The following SPAG16 variants were observed in gnomAD, a reference collection of about 807,000 sequenced individuals.
SPAG16 encodes the protein sperm associated antigen 16.
Under a neutral mutation model 80.4 loss-of-function variants are expected in SPAG16, and 86 were observed. That is an observed-to-expected ratio of 1.07 (90% CI 0.90 to 1.28). The LOEUF is 1.28. Ranked by LOEUF, SPAG16 falls within the 50% of genes most tolerant of loss-of-function variation. The probability of loss-of-function intolerance (pLI) is 0.00; values close to 1 mark genes in which losing one functional copy is unlikely to be tolerated. For missense variants in SPAG16, 870 were observed against 765.3 expected, an observed-to-expected ratio of 1.14 and a Z score of -1.61; for synonymous variants, 294 against 265.9, an observed-to-expected ratio of 1.11 and a Z score of -1.03.
chr2:213,945,529 C>T (rs914421062), intron 12 of SPAG16, among the ~76,000 whole-genome samples: 3 of 151,848 alleles, frequency 2.0e-5, no homozygotes, highest in East Asian at 3.9e-4. Context: ...AGGCCAGTCT[C>T]GACTTTTCAT....
chr2:213,935,494 G>A lies in SPAG16; in HGVS notation c.1400+5349G>A, dbSNP rs546050329. ...TTTCTTCCCATCTTTATTGTCTATC[G>A]CAATGCTGTTGGAGTCCATGAAATC... is the stretch of plus-strand genomic sequence containing the variant. On this transcript the variant is annotated intron_variant, in intron 12 of 15. Coordinates refer to ENST00000331683, the MANE Select transcript of SPAG16 (RefSeq NM_024532.5). Among the ~76,000 whole-genome samples, 71 of 151,840 alleles carry A rather than the reference G, an allele frequency of 4.7e-4. No homozygotes were observed. The Middle Eastern group carries it at 0.01, about 22-fold the overall frequency.
At chr2:213,308,085 GA>G (rs1202624169) in intron 3 of SPAG16, among the ~76,000 whole-genome samples, 4 of 152,152 alleles carry the variant, frequency 2.6e-5, no homozygotes, top group Non-Finnish European at 5.9e-5. Flanking sequence ...AAACAAATTA[GA>G]GACTTCTTGC....
At chr2:214,367,514 AG>A (rs1469493765) in intron 15 of SPAG16, among the ~76,000 whole-genome samples, 1 of 152,204 alleles carries the variant, frequency 6.6e-6, no homozygotes, top group Non-Finnish European at 1.5e-5. Context: ...TATGATTTAT[AG>A]TAAACACCTA....
chr2:214,336,385 A>T (rs1186116173), intron 15 of SPAG16, among the ~76,000 whole-genome samples: 1 of 152,210 alleles, frequency 6.6e-6, no homozygotes, highest in East Asian at 1.9e-4. Flanking sequence ...TCTGGAGTTA[A>T]AATTAAATAG....
In SPAG16 at chr2:213,468,603, C is replaced by A. The variant is rs1182672906; in HGVS notation, c.943-21360C>A. Among the ~76,000 whole-genome samples the A allele has an allele frequency of 1.2e-4, 16 of 135,776 alleles. No individual in the cohort carries two copies. The East Asian group carries it at 3.1e-3, about 27-fold the overall frequency. The allele number at this position is 135,776 out of a possible 152,430, so 89.1% of individuals were successfully genotyped here. On this transcript the variant is annotated intron_variant, in intron 9 of 15. Coordinates refer to ENST00000331683, the MANE Select transcript of SPAG16 (RefSeq NM_024532.5). ...TATTTATATATAGAGATATATATAT[C>A]TATGTATTTATATATAGAGATATAT...
chr2:214,326,983 T>C (rs77729825), intron 15 of SPAG16, among the ~76,000 whole-genome samples: 9,146 of 149,024 alleles, frequency 0.061, 959 homozygotes, highest in African/African-American at 0.21. Context: ...ACTAGTATTC[T>C]GTATACTAGT....
At chr2:214,096,780 A>G (rs181291239) in intron 13 of SPAG16, among the ~76,000 whole-genome samples, 23 of 152,232 alleles carry the variant, frequency 1.5e-4, no homozygotes, top group Admixed American at 1.5e-3. Flanking sequence ...TCTTAATTAC[A>G]CAAGGATTCA....
intron 10 of SPAG16, among the ~76,000 whole-genome samples, chr2:213,559,411 A>G (rs2059532094): frequency 6.6e-6 from 1 of 152,178 alleles, no homozygotes; most frequent in South Asian, 2.1e-4. Flanking sequence ...TTTAAGGAGA[A>G]ACAAGAGGAA....
At chr2:213,737,966 A>G (rs1375687206) in intron 10 of SPAG16, among the ~76,000 whole-genome samples, 2 of 148,684 alleles carry the variant, frequency 1.3e-5, no homozygotes, top group Non-Finnish European at 3.0e-5. Context: ...AGCCATAATT[A>G]TCACTCATTC....
chr2:213,625,601 T>C (rs2061933398), intron 10 of SPAG16, among the ~76,000 whole-genome samples: 1 of 152,206 alleles, frequency 6.6e-6, no homozygotes, highest in South Asian at 2.1e-4. Context: ...ATTTAAGAAA[T>C]CCTACCTTTC....
intron 15 of SPAG16, 26 bp from the exon 16 acceptor site, chr2:214,410,114 C>G (rs1303772200): frequency 6.2e-6 from 10 of 1,611,498 alleles, no homozygotes; most frequent in Non-Finnish European, 8.5e-6. Flanking sequence ...TTCATTCTCT[C>G]TCTCTCTCCT....
intron 14 of SPAG16, among the ~76,000 whole-genome samples, chr2:214,123,059 T>TA (rs1278390870): frequency 6.6e-6 from 1 of 151,838 alleles, no homozygotes; most frequent in Non-Finnish European, 1.5e-5. Flanking sequence ...TAATTTCTAG[T>TA]AAAAAGTGAA....
chr2:214,227,921 G>A (rs1369961181), intron 15 of SPAG16, among the ~76,000 whole-genome samples: 1 of 151,820 alleles, frequency 6.6e-6, no homozygotes, highest in Non-Finnish European at 1.5e-5. Context: ...CTTTTGATGA[G>A]ATTCTGTACT....
At chr2:213,489,871 T>G (rs759959514) in intron 9 of SPAG16, 92 bp from the exon 10 acceptor site, 3 of 1,011,358 alleles carry the variant, frequency 3.0e-6, no homozygotes, top group Non-Finnish European at 4.1e-6. Context: ...AAATATAATG[T>G]TTATGTTGTA....
At chr2:213,339,569 A>T (rs921072576) in intron 5 of SPAG16, among the ~76,000 whole-genome samples, 6 of 152,028 alleles carry the variant, frequency 3.9e-5, no homozygotes, top group African/African-American at 7.2e-5. Flanking sequence ...AAGTTGAAAA[A>T]TTTTTCTGTA....
intron 15 of SPAG16, among the ~76,000 whole-genome samples, chr2:214,349,947 A>G (rs948201231): frequency 4.6e-5 from 7 of 152,248 alleles, no homozygotes; most frequent in Admixed American, 3.9e-4. Context: ...TAGTCTCAGA[A>G]CCATTCCTTT....
chr2:213,689,529 T>C (rs1306558738), intron 10 of SPAG16, among the ~76,000 whole-genome samples: 2 of 33,330 alleles, frequency 6.0e-5, no homozygotes, highest in Non-Finnish European at 1.2e-4. Context: ...GTGCTGGGGC[T>C]TTTTTTTTTT....
intron 9 of SPAG16, among the ~76,000 whole-genome samples, chr2:213,423,467 G>A (rs2069722599): frequency 6.6e-6 from 1 of 152,152 alleles, no homozygotes; most frequent in Non-Finnish European, 1.5e-5. Flanking sequence ...CAGATGCTAG[G>A]TTGGTCACAT....
chr2:214,045,834 A>G (rs999797194), intron 13 of SPAG16, among the ~76,000 whole-genome samples: 1 of 152,196 alleles, frequency 6.6e-6, no homozygotes, highest in African/African-American at 2.4e-5. Context: ...ATGCAAAATT[A>G]GCAGAAAAGA....
Sources: allele counts gnomAD v4.1 joint callset (sites outside exome capture counted in the v4.1 genomes callset), GRCh38; gene constraint gnomAD v4.1.1; transcripts MANE v1.5; gene names NCBI Gene and HGNC (gene_info 2026-07-23, HGNC 2026-07-21).